TTC23L: variants seen among roughly 807,000 people sequenced by gnomAD.
TTC23L encodes tetratricopeptide repeat protein 23-like.
Under a neutral mutation model 48.1 loss-of-function variants are expected in TTC23L, and 42 were observed. The ratio of observed to expected loss-of-function variants is 0.87; its 90% CI spans 0.68 to 1.13. The LOEUF (loss-of-function observed/expected upper bound fraction) is 1.13. Ranked by LOEUF, TTC23L falls within the 50% of genes most tolerant of loss-of-function variation. TTC23L has a pLI of 0.00. For missense variants in TTC23L, 391 were observed against 421.0 expected (o/e 0.93, Z 0.62); for synonymous variants, 159 against 157.2 (o/e 1.01, Z -0.09).
intron 8 of TTC23L, among the ~76,000 whole-genome samples, chr5:34,872,454 C>T (rs1336609844): frequency 1.3e-5 from 2 of 152,102 alleles, no homozygotes; most frequent in Admixed American, 6.6e-5. Context: ...AGCAATTTGG[C>T]AGGATGTCAC....
intron 4 of TTC23L, 124 bp from the exon 5 acceptor site, chr5:34,862,774 G>T: frequency 8.9e-7 from 1 of 1,128,630 alleles, no homozygotes; most frequent in East Asian, 2.6e-5. Flanking sequence ...CCAGATTTAG[G>T]AACCAATGCT....
At chr5:34,911,525 T>C in the TTC23L span, 6 of 1,610,178 alleles carry the variant, frequency 3.7e-6, no homozygotes, top group Non-Finnish European at 5.1e-6. Context: ...ACAGACCACA[T>C]TAACTATAAC....
At chr5:34,849,242 GA>G (rs769645545) in intron 3 of TTC23L, among the ~76,000 whole-genome samples, 1 of 151,066 alleles carries the variant, frequency 6.6e-6, no homozygotes, top group African/African-American at 2.4e-5. Context: ...TAATATCAGA[GA>G]AAAAAAAGAA....
chr5:34,875,174 G>C (rs376828025), intron 8 of TTC23L, among the ~76,000 whole-genome samples: 1 of 152,144 alleles, frequency 6.6e-6, no homozygotes, highest in South Asian at 2.1e-4. Context: ...TAATGTGTAC[G>C]TGCCTAACAA....
chr5:34,864,884 C>G lies in TTC23L; in HGVS notation c.662+322C>G, dbSNP rs573849117. 2.0e-5 allele frequency among the ~76,000 whole-genome samples: 3 copies of G among 152,344 alleles called. No individual in the cohort carries two copies. In the East Asian group the frequency reaches 5.8e-4, roughly 29 times the overall value. ...TGATCTGAACTCACTAACTCTTAGT[C>G]TTCCTTATACTTGCCTCTCACACTC... On this transcript the variant is annotated intron_variant, in intron 6 of 10. Transcript: ENST00000505624.
At chr5:34,924,860 A>G in the TTC23L span, 1 of 1,604,216 alleles carries the variant, frequency 6.2e-7, no homozygotes, top group Non-Finnish European at 8.5e-7. Flanking sequence ...ATAGAAGAAG[A>G]TGCTGCTCTT....
the TTC23L span, chr5:34,922,502 G>A: frequency 7.4e-7 from 1 of 1,356,038 alleles, no homozygotes; most frequent in Non-Finnish European, 1.1e-6. Flanking sequence ...GACTACATTT[G>A]CTAATTAGTT....
At chr5:34,869,063 G>A (rs1481014975) in intron 8 of TTC23L, 50 bp downstream of exon 8, 1 of 1,420,624 alleles carries the variant, frequency 7.0e-7, no homozygotes, top group East Asian at 2.4e-5. Context: ...CATGAGGGAA[G>A]CACATTGGCA....
At chr5:34,856,239 A>G (rs891621163) in intron 4 of TTC23L, among the ~76,000 whole-genome samples, 3 of 152,224 alleles carry the variant, frequency 2.0e-5, no homozygotes, top group Non-Finnish European at 4.4e-5. Flanking sequence ...AAAATCTGAA[A>G]TCCAAAATGT....
At chr5:34,876,628 A>G (rs1219979977) in intron 8 of TTC23L, among the ~76,000 whole-genome samples, 1 of 152,230 alleles carries the variant, frequency 6.6e-6, no homozygotes, top group Non-Finnish European at 1.5e-5. Flanking sequence ...TAACCATCCC[A>G]TGTGGGTTCA....
intron 9 of TTC23L, among the ~76,000 whole-genome samples, chr5:34,886,196 CTA>C (rs1360437973): frequency 2.6e-5 from 4 of 151,966 alleles, no homozygotes; most frequent in Admixed American, 2.6e-4. Context: ...TATGAATTAA[CTA>C]TTATTAATTA....
intron 8 of TTC23L, among the ~76,000 whole-genome samples, chr5:34,874,795 T>C (rs536892497): frequency 4.0e-5 from 6 of 151,192 alleles, no homozygotes; most frequent in African/African-American, 1.5e-4. Context: ...AAGACAAAAA[T>C]ATGAACAAAG....
At chr5:34,844,701 T>G (rs1008380772) in intron 2 of TTC23L, among the ~76,000 whole-genome samples, 7 of 152,220 alleles carry the variant, frequency 4.6e-5, no homozygotes, top group African/African-American at 1.4e-4. Flanking sequence ...GAGACTTATT[T>G]ATACTTAAAA....
the TTC23L span, chr5:34,914,496 T>C: frequency 1.7e-6 from 1 of 595,604 alleles, no homozygotes; most frequent in East Asian, 2.9e-5. Flanking sequence ...AAGAATTTGT[T>C]ACCGGGAGAG....
intron 9 of TTC23L, 31 bp downstream of exon 9, chr5:34,880,339 C>T (rs1336344017): frequency 6.3e-7 from 1 of 1,582,404 alleles, no homozygotes; most frequent in African/African-American, 1.4e-5. Context: ...AACAGAATTG[C>T]TAGTTTGTTT....
At chr5:34,896,907 C>A in intron 10 of TTC23L, 32 bp downstream of exon 10, 1 of 690,452 alleles carries the variant, frequency 1.4e-6, no homozygotes, top group Non-Finnish European at 2.7e-6. Context: ...TACAGGGCAG[C>A]ATGTCCTGAA....
chr5:34,920,831 G>A, the TTC23L span: 14 of 143,542 alleles, frequency 9.8e-5, no homozygotes, highest in Admixed American at 9.0e-4. Context: ...CAAAAGTTTT[G>A]TTTTTTTTTT....
chr5:34,840,446 G>A (rs1758554284), intron 1 of TTC23L, among the ~76,000 whole-genome samples: 1 of 152,174 alleles, frequency 6.6e-6, no homozygotes, highest in Non-Finnish European at 1.5e-5. Context: ...GAAGTAGGGT[G>A]GAGTTGAAAT....
chr5:34,897,196 G>A (rs1763280512), intron 10 of TTC23L, among the ~76,000 whole-genome samples: 1 of 151,752 alleles, frequency 6.6e-6, no homozygotes, highest in Non-Finnish European at 1.5e-5. Context: ...ACCAGCCTGG[G>A]AAACACAGTG....
Sources: allele counts gnomAD v4.1 joint callset (sites outside exome capture counted in the v4.1 genomes callset), GRCh38; gene constraint gnomAD v4.1.1; transcripts MANE v1.5; gene names NCBI Gene and HGNC (gene_info 2026-07-23, HGNC 2026-07-21).